Variants in PRKN observed in about 807,000 individuals in gnomAD.
PRKN encodes E3 ubiquitin-protein ligase parkin.
A neutral mutation model predicts 59.5 loss-of-function variants in PRKN; 56 were observed. That is an observed-to-expected ratio of 0.94 (90% CI 0.76 to 1.18). The LOEUF (loss-of-function observed/expected upper bound fraction) is 1.18. Among genes scored for constraint, PRKN ranks in the 50% most tolerant of loss-of-function variants. PRKN has a pLI of 0.00. For synonymous variants in PRKN, 250 were observed against 222.1 expected, an observed-to-expected ratio of 1.13 and a Z score of -1.12; for missense variants, 657 against 596.4, an observed-to-expected ratio of 1.10 and a Z score of -1.06.
chr6:161,908,092 G>GACA (rs71799804), intron 6 of PRKN, among the ~76,000 whole-genome samples: 89 of 151,618 alleles, frequency 5.9e-4, no homozygotes, highest in South Asian at 5.6e-3. Flanking sequence ...TAACAACAAC[G>GACA]ACAACAACAA....
Position 161,371,802 on chromosome 6 carries a change from C to A in PRKN, c.1168-11597G>T, listed in dbSNP as rs1172042001. Among the ~76,000 whole-genome samples the A allele has an allele frequency of 2.6e-5, 4 of 152,106 alleles. No individual in the cohort carries two copies. The East Asian group carries it at 7.7e-4, about 29-fold the overall frequency. ...TACAGGCATGCACCACCCCACCTCGCTAATTTTTGTATTTTTAGTAGAGAT... is the reference window on the plus strand; with the variant it reads ...TACAGGCATGCACCACCCCACCTCGATAATTTTTGTATTTTTAGTAGAGAT... On this transcript the variant is annotated intron_variant, in intron 10 of 11. Coordinates refer to ENST00000366898, the MANE Select transcript of PRKN (RefSeq NM_004562.3). This position sits in a 1 kb window ranked among gnomAD's most constrained non-coding sequence, Gnocchi z 5.5.
At chr6:162,249,495 T>G (rs1429943123) in intron 3 of PRKN, among the ~76,000 whole-genome samples, 1 of 152,212 alleles carries the variant, frequency 6.6e-6, no homozygotes, top group African/African-American at 2.4e-5. Context: ...ACTACCTGGC[T>G]ATTAGAGTCC....
intron 2 of PRKN, among the ~76,000 whole-genome samples, chr6:162,411,693 AT>A (rs1788362073): frequency 6.6e-6 from 1 of 152,160 alleles, no homozygotes; most frequent in South Asian, 2.1e-4. Flanking sequence ...TATAGTTATA[AT>A]TTTTAAAAAT....
intron 1 of PRKN, among the ~76,000 whole-genome samples, chr6:162,515,426 T>C (rs1490870615): frequency 1.4e-5 from 2 of 138,308 alleles, no homozygotes; most frequent in Admixed American, 1.4e-4. Flanking sequence ...ATTCAAATTA[T>C]ATTAGTAAGT....
Position 161,749,231 on chromosome 6 carries a change from C to T in PRKN, c.871+36541G>A, listed in dbSNP as rs117132645. On this transcript the variant is annotated intron_variant, in intron 7 of 11. Transcript: ENST00000366898. ...GCCTATTTCTCTGACAAGACTGTAA[C>T]ATCTTGGAAGGGAGAAGCTGTGTCA... 4.7e-3 allele frequency among the ~76,000 whole-genome samples: 710 copies of T among 152,334 alleles called. 42 individuals carry two copies. In the East Asian group the frequency reaches 0.12, roughly 26 times the overall value.
At position 162,322,749 on chromosome 6, in the gene PRKN, C is replaced by T. The variant is rs569053974; in HGVS notation, c.172-59984G>A. The stretch of plus-strand genomic sequence containing the variant: ...CCATTATAAAAATATGAACTATGGT[C>T]TATATCTTGCATCTCTTGCACCATA... On this transcript the variant is annotated intron_variant, in intron 2 of 11. Coordinates refer to ENST00000366898, the MANE Select transcript of PRKN (RefSeq NM_004562.3). Among the ~76,000 whole-genome samples, 62 of 152,116 alleles carry T rather than the reference C, an allele frequency of 4.1e-4. 1 individual carries two copies. Among genetic ancestry groups the T allele is most frequent in the Non-Finnish European group, 5.4e-4 (37 of 67,996 alleles).
chr6:162,087,747 C>T (rs1779310303), intron 4 of PRKN, among the ~76,000 whole-genome samples: 1 of 151,978 alleles, frequency 6.6e-6, no homozygotes, highest in African/African-American at 2.4e-5. Flanking sequence ...GCACACGCCA[C>T]CACGCCCAGC....
chr6:162,235,708 C>T (rs937289536), intron 3 of PRKN, among the ~76,000 whole-genome samples: 3 of 151,686 alleles, frequency 2.0e-5, no homozygotes, highest in African/African-American at 7.3e-5. Flanking sequence ...AAGGCTGAGG[C>T]AGGAGAACTG....
intron 4 of PRKN, among the ~76,000 whole-genome samples, chr6:162,117,409 C>G (rs933257941): frequency 6.6e-6 from 1 of 152,212 alleles, no homozygotes; most frequent in African/African-American, 2.4e-5. Flanking sequence ...CGCTGTGGCC[C>G]TTTCCCTGCA....
At chr6:162,686,299 T>C (rs1047417966) in intron 1 of PRKN, among the ~76,000 whole-genome samples, 4 of 152,172 alleles carry the variant, frequency 2.6e-5, no homozygotes, top group African/African-American at 9.7e-5. Flanking sequence ...ATTCTGAGAA[T>C]AATCCAGTGC....
intron 5 of PRKN, among the ~76,000 whole-genome samples, chr6:162,009,464 C>T (rs958303761): frequency 7.2e-5 from 11 of 151,814 alleles, no homozygotes; most frequent in African/African-American, 2.7e-4. Context: ...CAAACCACAA[C>T]CGTCAGAATC....
chr6:161,370,591 CAAAAAAA>C (rs560655971), intron 10 of PRKN, among the ~76,000 whole-genome samples: 1 of 57,836 alleles, frequency 1.7e-5, no homozygotes, highest in African/African-American at 8.5e-5. Flanking sequence ...GACTCTGTGT[CAAAAAAA>C]AAAAAAAAAA....
intron 1 of PRKN, among the ~76,000 whole-genome samples, chr6:162,498,933 G>C (rs911453976): frequency 6.6e-6 from 1 of 152,028 alleles, no homozygotes. Context: ...AAACAAGCAT[G>C]TTCATTCATT....
intron 2 of PRKN, among the ~76,000 whole-genome samples, chr6:162,405,691 G>T (rs549186985): frequency 1.3e-5 from 2 of 152,132 alleles, no homozygotes; most frequent in African/African-American, 4.8e-5. Context: ...AGGAAGGCAA[G>T]ATTAGGACAG....
At chr6:161,691,831 T>C (rs1397963169) in intron 7 of PRKN, among the ~76,000 whole-genome samples, 1 of 152,138 alleles carries the variant, frequency 6.6e-6, no homozygotes, top group East Asian at 1.9e-4. Context: ...GAGTCAAACT[T>C]TGTTGCTCTG....
intron 6 of PRKN, among the ~76,000 whole-genome samples, chr6:161,821,703 T>G (rs1792031744): frequency 6.9e-6 from 1 of 145,188 alleles, no homozygotes; most frequent in African/African-American, 2.5e-5. Context: ...TTTTGGAAAA[T>G]ATTTCCACTG....
intron 7 of PRKN, among the ~76,000 whole-genome samples, chr6:161,754,868 C>G (rs2128195989): frequency 6.6e-6 from 1 of 152,282 alleles, no homozygotes; most frequent in South Asian, 2.1e-4. Context: ...GTTACAGAAT[C>G]TTTTCCTGAG....
chr6:162,398,527 A>G (rs926939529), intron 2 of PRKN, among the ~76,000 whole-genome samples: 2 of 152,028 alleles, frequency 1.3e-5, no homozygotes, highest in Admixed American at 6.6e-5. Flanking sequence ...AGTAGCTGGG[A>G]TTACAGGCAC....
intron 5 of PRKN, among the ~76,000 whole-genome samples, chr6:162,044,595 T>C (rs73030465): frequency 0.038 from 5,836 of 152,296 alleles, 153 homozygotes; most frequent in Non-Finnish European, 0.055. Flanking sequence ...TAGAGCTCCA[T>C]CAAAGCAGGG....
Sources: gnomAD v4.1 joint callset for allele counts (sites outside exome capture counted in the v4.1 genomes callset) on GRCh38, gnomAD v4.1.1 for gene constraint, Gnocchi (gnomAD v3.1) non-coding constraint, MANE v1.5 for transcripts, NCBI Gene and HGNC (gene_info 2026-07-23, HGNC 2026-07-21) for gene names.